Variants in NNT observed in about 807,000 individuals in gnomAD.
The protein encoded by NNT is nicotinamide nucleotide transhydrogenase.
NNT carries 50 observed loss-of-function variants against 104.8 expected under a neutral mutation model. That is an observed-to-expected ratio of 0.48 (90% CI 0.38 to 0.60). The LOEUF is 0.60. NNT is among the 20% of genes least tolerant of loss of function. The pLI is 0.00. For missense variants in NNT, 1,131 were observed against 1,330.7 expected (o/e 0.85, Z 2.33); for synonymous variants, 461 against 490.4 (o/e 0.94, Z 0.79).
chr5:43,669,095 G>T (rs2112044385), intron 17 of NNT, among the ~76,000 whole-genome samples: 1 of 152,274 alleles, frequency 6.6e-6, no homozygotes, highest in African/African-American at 2.4e-5. Context: ...TGTTATTGGT[G>T]TATAAGACTG....
At chr5:43,700,376 G>T (rs1463050559) in intron 20 of NNT, 139 bp downstream of exon 20, 13 of 568,614 alleles carry the variant, frequency 2.3e-5, no homozygotes, top group South Asian at 1.3e-4. Context: ...ATAATAAGTT[G>T]AAATTAAATA....
intron 19 of NNT, among the ~76,000 whole-genome samples, chr5:43,697,148 G>A (rs1161271854): frequency 6.6e-6 from 1 of 152,148 alleles, no homozygotes; most frequent in Admixed American, 6.6e-5. Flanking sequence ...AAAACTGAAT[G>A]CCTTTAACAG....
chr5:43,684,820 T>A (rs1185468750), intron 19 of NNT, among the ~76,000 whole-genome samples: 1 of 152,190 alleles, frequency 6.6e-6, no homozygotes, highest in African/African-American at 2.4e-5. Flanking sequence ...CAAAGAAACT[T>A]GCCTTTTCAG....
chr5:43,603,974 G>A (rs1305296554), intron 1 of NNT, among the ~76,000 whole-genome samples: 4 of 152,168 alleles, frequency 2.6e-5, no homozygotes, highest in Admixed American at 1.3e-4. Context: ...ATTTGCAGCC[G>A]TGGCCAATCG....
intron 17 of NNT, among the ~76,000 whole-genome samples, chr5:43,663,629 A>C (rs139255638): frequency 5.6e-4 from 86 of 152,314 alleles, no homozygotes; most frequent in African/African-American, 2.0e-3. Context: ...CTCTAGGTAG[A>C]TCGGTATAAT....
chr5:43,666,002 G>A (rs564777101), intron 17 of NNT, among the ~76,000 whole-genome samples: 1 of 151,738 alleles, frequency 6.6e-6, no homozygotes, highest in African/African-American at 2.4e-5. Context: ...ACGGGGCAGC[G>A]GGGCAGAGGC....
intron 1 of NNT, among the ~76,000 whole-genome samples, chr5:43,604,988 A>G (rs1475046060): frequency 6.6e-6 from 1 of 152,094 alleles, no homozygotes; most frequent in Non-Finnish European, 1.5e-5. Flanking sequence ...ATTATTCCCC[A>G]TTTTAAAGAT....
At chr5:43,644,136 T>C in intron 7 of NNT, 56 bp from the exon 8 acceptor site, 1 of 1,497,118 alleles carries the variant, frequency 6.7e-7, no homozygotes, top group African/African-American at 1.4e-5. Context: ...ATAATTAGAC[T>C]TTAAGGTGTT....
In NNT at chr5:43,692,409, C is replaced by T. The variant is rs141169669; in HGVS notation, c.2877-7710C>T. On this transcript the variant is annotated intron_variant, in intron 19 of 21. Coordinates refer to ENST00000344920, the MANE Select transcript of NNT (RefSeq NM_182977.3). Reference sequence around the variant, plus strand: ...CGCGATCCCAGCTCACTGCCACCTCCGCCTCCCGGGTTCAAGCAATTATCT... The same window carrying T: ...CGCGATCCCAGCTCACTGCCACCTCTGCCTCCCGGGTTCAAGCAATTATCT... 9.9e-3 allele frequency among the ~76,000 whole-genome samples: 1,503 copies of T among 152,234 alleles called. 14 individuals are homozygous for T. Among genetic ancestry groups the T allele is most frequent in the Non-Finnish European group, 0.012 (837 of 68,012 alleles).
intron 20 of NNT, among the ~76,000 whole-genome samples, chr5:43,701,778 G>C (rs1181141902): frequency 6.6e-6 from 1 of 152,102 alleles, no homozygotes; most frequent in Non-Finnish European, 1.5e-5. Context: ...GTTCTGACTG[G>C]TGTGAGATAG....
chr5:43,626,676 T>C (rs1470308154), intron 6 of NNT, among the ~76,000 whole-genome samples: 1 of 151,774 alleles, frequency 6.6e-6, no homozygotes, highest in Non-Finnish European at 1.5e-5. Flanking sequence ...AAATACCTTT[T>C]ATTATTCTAT....
In NNT at chr5:43,615,922, T is replaced by C; in HGVS notation, c.456T>C (p.Ile152=). 1 of 1,614,206 alleles carries C rather than the reference T, an allele frequency of 6.2e-7. No homozygotes were observed. The highest frequency in any genetic ancestry group is 2.2e-5 in the East Asian group (1 of 44,886). ...TTTTAAAGACATCAGGAACGCTGATTAGTTTTATTTACCCAGCCCAAAATC... is the reference window on the plus strand; with the variant it reads ...TTTTAAAGACATCAGGAACGCTGATCAGTTTTATTTACCCAGCCCAAAATC... The part of the protein sequence containing the change: ...ADLLKTSGTL[I]SFIYPAQNPE... The change falls in exon 4 of 22, where the codon ATT becomes ATC. Residue 152 remains isoleucine (I), a synonymous_variant. Transcript: ENST00000344920.
At chr5:43,612,332 C>G (rs1223180947) in intron 2 of NNT, among the ~76,000 whole-genome samples, 1 of 152,134 alleles carries the variant, frequency 6.6e-6, no homozygotes, top group South Asian at 2.1e-4. Context: ...CTTGTCTGCC[C>G]TGTAGATGAT....
intron 14 of NNT, among the ~76,000 whole-genome samples, chr5:43,654,955 T>C (rs1739960318): frequency 6.6e-6 from 1 of 152,196 alleles, no homozygotes; most frequent in Non-Finnish European, 1.5e-5. Flanking sequence ...TTAGCAAATA[T>C]TCTGAGCCCC....
At chr5:43,701,433 G>GTAGTATT (rs1742845788) in intron 20 of NNT, among the ~76,000 whole-genome samples, 1 of 152,092 alleles carries the variant, frequency 6.6e-6, no homozygotes, top group Admixed American at 6.5e-5. Flanking sequence ...TTATGGCTGT[G>GTAGTATT]TAGTATTCCA....
intron 18 of NNT, among the ~76,000 whole-genome samples, chr5:43,677,133 A>C (rs1741455204): frequency 6.6e-6 from 1 of 152,092 alleles, no homozygotes; most frequent in East Asian, 1.9e-4. Context: ...AGATGGGACA[A>C]GAGCCATGTT....
At chr5:43,622,957 T>G (rs776630123) in intron 5 of NNT, among the ~76,000 whole-genome samples, 16 of 152,066 alleles carry the variant, frequency 1.1e-4, no homozygotes, top group Non-Finnish European at 2.2e-4. Flanking sequence ...CTTTCTTTCT[T>G]TTTTTCTTTC....
At chr5:43,632,004 A>C (rs904672882) in intron 7 of NNT, among the ~76,000 whole-genome samples, 1 of 151,864 alleles carries the variant, frequency 6.6e-6, no homozygotes, top group Non-Finnish European at 1.5e-5. Context: ...GAAAGAAAAA[A>C]GTGAATTAGA....
intron 19 of NNT, among the ~76,000 whole-genome samples, chr5:43,682,280 G>A (rs80234310): frequency 0.015 from 2,073 of 140,604 alleles, 52 homozygotes; most frequent in African/African-American, 0.048. Flanking sequence ...GTGTGATCTC[G>A]GCTCACTGCA....
Sources: gnomAD v4.1 joint callset for allele counts (sites outside exome capture counted in the v4.1 genomes callset) on GRCh38, gnomAD v4.1.1 for gene constraint, MANE v1.5 for transcripts, NCBI Gene and HGNC (gene_info 2026-07-23, HGNC 2026-07-21) for gene names.